PSMG2: variants seen among roughly 807,000 people sequenced by gnomAD.
PSMG2 encodes the protein proteasome assembly chaperone 2.
In PSMG2, 21 loss-of-function variants were observed where a neutral mutation model predicts 31.5. The observed-to-expected ratio is 0.67, with a 90% CI of 0.47 to 0.96. PSMG2 has a LOEUF of 0.96. PSMG2 is among the 40% of genes least tolerant of loss of function. The pLI, the probability that PSMG2 is intolerant of heterozygous loss-of-function variation, is 0.00. For missense variants in PSMG2, 318 were observed against 321.2 expected (o/e 0.99, Z 0.08); for synonymous variants, 120 against 110.4 (o/e 1.09, Z -0.54).
chr18:12,688,366 A>G (rs2039624877), intron 1 of PSMG2, among the ~76,000 whole-genome samples: 1 of 152,200 alleles, frequency 6.6e-6, no homozygotes, highest in African/African-American at 2.4e-5. Flanking sequence ...ACCAGCTAAC[A>G]AAGGGTAAAA....
intron 1 of PSMG2, among the ~76,000 whole-genome samples, chr18:12,661,173 T>C (rs2038689370): frequency 6.6e-6 from 1 of 152,044 alleles, no homozygotes; most frequent in African/African-American, 2.4e-5. Context: ...CTGGGCATGG[T>C]GGCAGGCACC....
chr18:12,706,347 T>C (rs970680594), intron 1 of PSMG2, among the ~76,000 whole-genome samples: 8 of 151,872 alleles, frequency 5.3e-5, no homozygotes, highest in African/African-American at 1.9e-4. Flanking sequence ...ATTAGCTGGG[T>C]GTGGTGGTGC....
At chr18:12,669,020 G>A (rs1413062583) in intron 1 of PSMG2, among the ~76,000 whole-genome samples, 2 of 118,696 alleles carry the variant, frequency 1.7e-5, no homozygotes, top group African/African-American at 6.7e-5. Flanking sequence ...TTGAGCTACC[G>A]CACCCCCCGC....
chr18:12,674,896 G>A, intron 1 of PSMG2: 2 of 493,118 alleles, frequency 4.1e-6, no homozygotes, highest in Non-Finnish European at 3.4e-6. Context: ...ATAATTATAG[G>A]GATACATAGA....
chr18:12,707,533 A>G (rs2040282454), intron 2 of PSMG2, among the ~76,000 whole-genome samples: 1 of 152,202 alleles, frequency 6.6e-6, no homozygotes, highest in African/African-American at 2.4e-5. Context: ...GCCTGATGCC[A>G]CTAATAGGTG....
intron 1 of PSMG2, chr18:12,686,383 T>C: frequency 6.2e-7 from 1 of 1,614,032 alleles, no homozygotes; most frequent in Non-Finnish European, 8.5e-7. Flanking sequence ...CCTTGGAGTA[T>C]CAAGAAGCCG....
chr18:12,664,815 C>G (rs1399134058), intron 1 of PSMG2, among the ~76,000 whole-genome samples: 2 of 151,622 alleles, frequency 1.3e-5, no homozygotes, highest in Non-Finnish European at 2.9e-5. Flanking sequence ...TCTCCTGCCT[C>G]AGCCTCCTGA....
chr18:12,668,583 G>GT (rs1329877537), intron 1 of PSMG2, among the ~76,000 whole-genome samples: 3 of 73,120 alleles, frequency 4.1e-5, no homozygotes, highest in African/African-American at 5.5e-5. Context: ...GGGAGACAGA[G>GT]TAAGATTCCA....
chr18:12,722,013 CCTTT>C (rs2040435229), intron 5 of PSMG2, among the ~76,000 whole-genome samples: 1 of 152,122 alleles, frequency 6.6e-6, no homozygotes, highest in South Asian at 2.1e-4. Context: ...ACACCTACCT[CCTTT>C]CTAAGAGTCA....
At chr18:12,708,305 C>T (rs1438059207) in intron 2 of PSMG2, among the ~76,000 whole-genome samples, 1 of 151,922 alleles carries the variant, frequency 6.6e-6, no homozygotes, top group Non-Finnish European at 1.5e-5. Context: ...AATTTGTATA[C>T]TTTCCACTAG....
intron 5 of PSMG2, among the ~76,000 whole-genome samples, chr18:12,723,808 A>G (rs553680757): frequency 2.0e-5 from 3 of 152,274 alleles, no homozygotes; most frequent in African/African-American, 7.2e-5. Context: ...CAGCCTCACA[A>G]CAACCTGTGA....
chr18:12,678,365 AT>A (rs748498676), intron 1 of PSMG2: 3 of 1,614,062 alleles, frequency 1.9e-6, no homozygotes, highest in Admixed American at 1.7e-5. Context: ...AACACAACCA[AT>A]TGTTCGATAT....
chr18:12,719,025 C>T (rs879368369), intron 4 of PSMG2, among the ~76,000 whole-genome samples: 4 of 152,128 alleles, frequency 2.6e-5, no homozygotes, highest in Non-Finnish European at 5.9e-5. Flanking sequence ...CATATGTTAC[C>T]TTGAAAGATT....
At chr18:12,682,173 CCT>C (rs988719380) in intron 1 of PSMG2, among the ~76,000 whole-genome samples, 63 of 149,636 alleles carry the variant, frequency 4.2e-4, no homozygotes, top group African/African-American at 1.5e-3. Flanking sequence ...TTTTTTTTTT[CCT>C]CTCTTTTGAG....
chr18:12,702,537 AG>A, upstream of PSMG2: 2 of 1,606,834 alleles, frequency 1.2e-6, no homozygotes, highest in Non-Finnish European at 1.7e-6. Flanking sequence ...CTTTCTCCGG[AG>A]GCAGCGACAT....
intron 1 of PSMG2, among the ~76,000 whole-genome samples, chr18:12,705,484 C>T (rs537897125): frequency 2.2e-3 from 326 of 151,606 alleles, no homozygotes; most frequent in Non-Finnish European, 2.8e-3. Flanking sequence ...TTGTGGAGCT[C>T]CTACGTGTTC....
At chr18:12,675,212 A>G (rs1043290170) in intron 1 of PSMG2, among the ~76,000 whole-genome samples, 1 of 152,066 alleles carries the variant, frequency 6.6e-6, no homozygotes, top group Non-Finnish European at 1.5e-5. Context: ...CTGGCTAACA[A>G]GGTGAAACCC....
chr18:12,703,603 A>G (rs922342551), intron 1 of PSMG2, among the ~76,000 whole-genome samples: 1 of 152,184 alleles, frequency 6.6e-6, no homozygotes, highest in Non-Finnish European at 1.5e-5. Context: ...CGCTCTTTAT[A>G]TTCATTCATT....
chr18:12,703,145 C>T lies in PSMG2; in HGVS notation c.38C>T (p.Ala13Val), dbSNP rs776521420. The T allele has an allele frequency of 6.2e-7, 1 of 1,611,664 alleles. No individual in the cohort carries two copies. Among genetic ancestry groups the T allele is most frequent in the Non-Finnish European group, 8.5e-7 (1 of 1,179,310 alleles). Reference sequence around the variant, plus strand: ...TGCGGGGAGTCGGCCCCCGACCTTGCCGGCTTCACCCTCCTAATGGTGAGT... The same window carrying T: ...TGCGGGGAGTCGGCCCCCGACCTTGTCGGCTTCACCCTCCTAATGGTGAGT... ...VPCGESAPDL[A>V]GFTLLMPAVS... is the part of the protein sequence containing the mutation. The change falls in exon 1 of 7, where the codon GCC (alanine) becomes GTC (valine). Residue 13 changes from alanine (A) to valine (V), a missense_variant. By Grantham distance (64) the Ala-to-Val change is moderately conservative. Coordinates refer to ENST00000317615, the MANE Select transcript of PSMG2 (RefSeq NM_020232.5).
Sources: allele counts gnomAD v4.1 joint callset (sites outside exome capture counted in the v4.1 genomes callset), GRCh38; gene constraint gnomAD v4.1.1; transcripts MANE v1.5; gene names NCBI Gene and HGNC (gene_info 2026-07-23, HGNC 2026-07-21).